The following RYR2 variants were observed in gnomAD, a reference collection of about 807,000 sequenced individuals.
The protein encoded by RYR2 is cardiac muscle ryanodine receptor-calcium release channel.
Under a neutral mutation model 601.1 loss-of-function variants are expected in RYR2, and 227 were observed. The observed-to-expected ratio is 0.38, with a 90% CI of 0.34 to 0.42. RYR2 has a LOEUF of 0.42. Among genes scored for constraint, RYR2 ranks in the 10% least tolerant of loss-of-function variants. RYR2 has a pLI of 1.00. For synonymous variants in RYR2, 2,223 were observed against 2,175.1 expected, an observed-to-expected ratio of 1.02 and a Z score of -0.61; for missense variants, 4,646 against 6,156.5, an observed-to-expected ratio of 0.75 and a Z score of 8.21.
chr1:237,679,600 T>G (rs1238090726), intron 61 of RYR2, among the ~76,000 whole-genome samples: 2 of 152,166 alleles, frequency 1.3e-5, no homozygotes, highest in Non-Finnish European at 2.9e-5. Context: ...AGGAAAGGGC[T>G]ATAATGGGAA....
In RYR2 at chr1:237,626,580, C is replaced by CTTTTTTTTTTTTTTTTTTTTTT. The variant is rs60885998; in HGVS notation, c.6166+786_6166+807dup. 3.1e-3 allele frequency among the ~76,000 whole-genome samples: 125 copies of CTTTTTTTTTTTTTTTTTTTTTT among 40,082 alleles called. 11 individuals are homozygous for CTTTTTTTTTTTTTTTTTTTTTT. Among genetic ancestry groups the CTTTTTTTTTTTTTTTTTTTTTT allele is most frequent in the East Asian group, 6.1e-3 (6 of 976 alleles). The allele number at this position is 40,082 out of a possible 152,430, so 26.3% of individuals were successfully genotyped here. A position where few individuals can be genotyped will look rare whatever the true frequency, so the allele number is the denominator to read the frequency against. On this transcript the variant is annotated intron_variant, in intron 40 of 104. Transcript: ENST00000366574. Reference sequence around the variant, plus strand: ...TTCTTTTCTTTTTCTTTTTCTTTTTCTTTTTTTTTTTTTTTTTTTTTTTTT... The same window carrying CTTTTTTTTTTTTTTTTTTTTTT: ...TTCTTTTCTTTTTCTTTTTCTTTTTCTTTTTTTTTTTTTTTTTTTTTTTTTTTTTTTTTTTTTTTTTTTTTTT...
chr1:237,442,768 A>G (rs1473658752), intron 13 of RYR2, among the ~76,000 whole-genome samples: 2 of 152,042 alleles, frequency 1.3e-5, no homozygotes, highest in African/African-American at 2.4e-5. Context: ...CCCATTGCCT[A>G]TGCTCTTGGT....
chr1:237,315,219 C>T (rs1050714572), intron 2 of RYR2, among the ~76,000 whole-genome samples: 15 of 151,950 alleles, frequency 9.9e-5, no homozygotes, highest in Admixed American at 3.3e-4. Context: ...TGTATGTGAA[C>T]GAATTGGGTG....
At chr1:237,131,032 C>G (rs1187715055) in intron 1 of RYR2, among the ~76,000 whole-genome samples, 1 of 152,060 alleles carries the variant, frequency 6.6e-6, no homozygotes, top group Non-Finnish European at 1.5e-5. Context: ...AAAAGCAACA[C>G]TATTGTACTG....
chr1:237,701,898 T>C lies in RYR2; in HGVS notation c.9368-80T>C, dbSNP rs1489489528. ...TGAATAGTATATAGCCTAAACTGAATAGTACATAGCTTAAGCTTTCTCAGG... is the reference window on the plus strand; with the variant it reads ...TGAATAGTATATAGCCTAAACTGAACAGTACATAGCTTAAGCTTTCTCAGG... On this transcript the variant is annotated intron_variant, in intron 65 of 104. Transcript: ENST00000366574. The C allele has an allele frequency of 1.7e-5, 13 of 746,078 alleles. No individual in the cohort carries two copies. The Admixed American group carries it at 2.1e-4, about 12-fold the overall frequency. The allele number at this position is 746,078 out of a possible 1,614,324, so 46.2% of individuals were successfully genotyped here.
intron 1 of RYR2, among the ~76,000 whole-genome samples, chr1:237,139,342 C>T (rs969955719): frequency 6.6e-6 from 1 of 152,122 alleles, no homozygotes; most frequent in African/African-American, 2.4e-5. Flanking sequence ...TCTATAAAGG[C>T]AGAAAGTAGA....
At chr1:237,772,916 C>T (rs1219140747) in intron 86 of RYR2, among the ~76,000 whole-genome samples, 1 of 152,096 alleles carries the variant, frequency 6.6e-6, no homozygotes, top group Non-Finnish European at 1.5e-5. Context: ...GGATTATTTA[C>T]TTATCCAACC....
chr1:237,091,621 C>T (rs949274271), intron 1 of RYR2, among the ~76,000 whole-genome samples: 29 of 152,066 alleles, frequency 1.9e-4, no homozygotes, highest in African/African-American at 5.1e-4. Flanking sequence ...GACGGGGTTT[C>T]GCCATGTTGC....
chr1:237,806,169 G>A lies in RYR2; in HGVS notation c.14184G>A (p.Met4728Ile), dbSNP rs1322718316. The A allele has an allele frequency of 1.9e-6, 3 of 1,613,608 alleles. No homozygotes were observed. Among genetic ancestry groups the A allele is most frequent in the Admixed American group, 3.3e-5 (2 of 60,012 alleles). ...SFLYLAWYMT[M>I]SVLGHYNNFF... is the part of the protein sequence containing the mutation. ...TCTACCTAGCCTGGTATATGACTAT[G>A]TCTGTTCTTGGACACTATAACAACT... is the stretch of plus-strand genomic sequence containing the variant. Residue 4728 changes from methionine to isoleucine, a missense_variant, in exon 99 of 105, where the codon ATG (methionine) becomes ATA (isoleucine). By Grantham distance (10) the Met-to-Ile change is conservative. Coordinates refer to ENST00000366574, the MANE Select transcript of RYR2 (RefSeq NM_001035.3).
chr1:237,768,345 G>A (rs544392378), intron 84 of RYR2, among the ~76,000 whole-genome samples: 7 of 152,204 alleles, frequency 4.6e-5, no homozygotes, highest in African/African-American at 1.7e-4. Flanking sequence ...AATTACCACA[G>A]ATTATGAAGA....
At chr1:237,231,226 G>T (rs879589134) in intron 1 of RYR2, among the ~76,000 whole-genome samples, 3 of 152,072 alleles carry the variant, frequency 2.0e-5, no homozygotes, top group Admixed American at 1.3e-4. Context: ...AAGTGGGGGT[G>T]AAATGAATGC....
intron 1 of RYR2, among the ~76,000 whole-genome samples, chr1:237,068,935 A>AT (rs953538110): frequency 3.9e-5 from 6 of 152,168 alleles, no homozygotes; most frequent in Non-Finnish European, 8.8e-5. Flanking sequence ...TGGAGCAAAA[A>AT]TCTTCCTGTA....
chr1:237,583,537 A>T (rs1019228264), intron 29 of RYR2, among the ~76,000 whole-genome samples: 1 of 152,214 alleles, frequency 6.6e-6, no homozygotes, highest in African/African-American at 2.4e-5. Context: ...TATGGCACAT[A>T]GTAGGCCACA....
chr1:237,313,963 T>G (rs1572570144), intron 2 of RYR2, among the ~76,000 whole-genome samples: 2 of 151,120 alleles, frequency 1.3e-5, no homozygotes, highest in South Asian at 2.1e-4. Context: ...AGGTGTTTTT[T>G]TTTTTTTTTT....
chr1:237,124,177 A>G (rs1042828527), intron 1 of RYR2, among the ~76,000 whole-genome samples: 12 of 152,180 alleles, frequency 7.9e-5, no homozygotes, highest in Non-Finnish European at 1.5e-4. Context: ...TTTTGCAATG[A>G]TTTGCCCAAA....
Position 237,784,969 on chromosome 1 carries a change from T to A in RYR2, c.13257T>A (p.Phe4419Leu), listed in dbSNP as rs1386580984. 1 of 1,576,176 alleles carries A rather than the reference T, an allele frequency of 6.3e-7. No homozygotes were observed. Among genetic ancestry groups the A allele is most frequent in the Non-Finnish European group, 8.6e-7 (1 of 1,160,386 alleles). Residue 4419 changes from phenylalanine to leucine, a missense_variant, in exon 90 of 105, where the codon TTT (phenylalanine) becomes TTA (leucine). This residue lies in a region of RYR2 where 364 missense variants were observed against 442.9 expected (regional missense o/e 0.82). Transcript: ENST00000366574. The surrounding 1 kb of genome is among the most constrained non-coding windows in gnomAD (Gnocchi z 7.1). ...CCATGCCTGAGGTGCAGGAAAAATT[T>A]CAGGTAATTTATCTCTAAGTCACAG... ...PVPMPEVQEK[F>L]QEQKAKEEEK...
At chr1:237,631,251 T>C (rs1041306371) in intron 41 of RYR2, among the ~76,000 whole-genome samples, 176 bp from the exon 42 acceptor site, 1 of 152,204 alleles carries the variant, frequency 6.6e-6, no homozygotes, top group Non-Finnish European at 1.5e-5. Context: ...TTTGGTAAAT[T>C]ATCAATATTT....
At position 237,648,621 on chromosome 1, in the gene RYR2, T is replaced by G. The variant is rs1384500147; in HGVS notation, c.7512+8T>G. On this transcript the variant is annotated splice_region_variant and intron_variant, in intron 49 of 104. Coordinates refer to ENST00000366574, the MANE Select transcript of RYR2 (RefSeq NM_001035.3). ...GCTGCTTCTTTAGATACGGTGAGAT[T>G]GGAGCGATGGACTTCCTCCTCTCTT... The G allele has an allele frequency of 6.2e-7, 1 of 1,604,446 alleles. No homozygotes were observed. Among genetic ancestry groups the G allele is most frequent in the South Asian group, 1.1e-5 (1 of 89,224 alleles).
intron 14 of RYR2, among the ~76,000 whole-genome samples, chr1:237,449,974 A>G (rs2100969): frequency 0.53 from 80,236 of 151,734 alleles, 22,627 homozygotes; most frequent in East Asian, 0.78. Flanking sequence ...TGCCTTTAGA[A>G]TTTTCTGGGT....
Sources: gnomAD v4.1 joint callset for allele counts (sites outside exome capture counted in the v4.1 genomes callset) on GRCh38, gnomAD v4.1.1 for gene constraint, gnomAD v4.1.1 regional missense constraint, Gnocchi (gnomAD v3.1) non-coding constraint, MANE v1.5 for transcripts, NCBI Gene and HGNC (gene_info 2026-07-23, HGNC 2026-07-21) for gene names.